PCSK6: variants seen among roughly 807,000 people sequenced by gnomAD.
The protein encoded by PCSK6 is paired basic amino acid cleaving enzyme 4.
In PCSK6, 85 loss-of-function variants were observed where a neutral mutation model predicts 123.3. The observed-to-expected ratio is 0.69, with a 90% CI of 0.58 to 0.83. The LOEUF (loss-of-function observed/expected upper bound fraction) is 0.83, where lower values mean the gene tolerates loss of function less well. PCSK6 is among the 40% of genes least tolerant of loss of function. The pLI, the probability that PCSK6 is intolerant of heterozygous loss-of-function variation, is 0.00. For missense variants in PCSK6, 1,191 were observed against 1,282.3 expected (o/e 0.93, Z 1.09); for synonymous variants, 508 against 516.0 (o/e 0.98, Z 0.21).
intron 6 of PCSK6, among the ~76,000 whole-genome samples, chr15:101,420,313 C>T (rs937040458): frequency 6.6e-6 from 1 of 151,918 alleles, no homozygotes; most frequent in African/African-American, 2.4e-5. Flanking sequence ...GGGCAAGATC[C>T]CAAACTCAAG....
At chr15:101,335,270 T>G (rs964054838) in intron 13 of PCSK6, among the ~76,000 whole-genome samples, 1 of 152,244 alleles carries the variant, frequency 6.6e-6, no homozygotes, top group African/African-American at 2.4e-5. Flanking sequence ...GTTTGACTTT[T>G]TGTTAAAACC....
intron 11 of PCSK6, among the ~76,000 whole-genome samples, chr15:101,376,005 G>A (rs2041727658): frequency 6.6e-6 from 1 of 152,216 alleles, no homozygotes; most frequent in Non-Finnish European, 1.5e-5. Context: ...CTGCACTCCA[G>A]CCTGGGTAAC....
At chr15:101,468,356 C>T (rs2057517411) in intron 1 of PCSK6, among the ~76,000 whole-genome samples, 1 of 152,160 alleles carries the variant, frequency 6.6e-6, no homozygotes, top group Non-Finnish European at 1.5e-5. Flanking sequence ...AAACAGTGAG[C>T]CCCACTTTGT....
Position 101,430,026 on chromosome 15 carries a change from T to C in PCSK6, c.695A>G (p.Tyr232Cys), listed in dbSNP as rs1332657314. The change falls in exon 5 of 22, where the codon TAT (tyrosine) becomes TGT (cysteine). Residue 232 changes from tyrosine to cysteine, a missense_variant. By Grantham distance (194) the Tyr-to-Cys change is radical. Around this residue, in one of 3 missense-constraint regions of PCSK6, gnomAD observed 357 missense variants for 484.5 expected, o/e 0.74. Coordinates refer to ENST00000611716, the MANE Select transcript of PCSK6 (RefSeq NM_002570.5). ...GGCATCATATCGTGGAGATGGGTCA[T>C]AATCATTGCCGTTCACGTCGTAGCT... is the stretch of plus-strand genomic sequence containing the variant. ...YASYDVNGND[Y>C]DPSPRYDASN... 5.0e-6 allele frequency: 8 copies of C among 1,613,800 alleles called. No homozygotes were observed. The highest frequency in any genetic ancestry group is 6.8e-6 in the Non-Finnish European group (8 of 1,179,820).
At chr15:101,414,289 A>C (rs2055808782) in intron 6 of PCSK6, among the ~76,000 whole-genome samples, 1 of 152,214 alleles carries the variant, frequency 6.6e-6, no homozygotes, top group South Asian at 2.1e-4. Flanking sequence ...CAAGCACTCA[A>C]AATATCTTTT....
At chr15:101,319,773 C>T (rs996913170) in intron 18 of PCSK6, among the ~76,000 whole-genome samples, 4 of 152,322 alleles carry the variant, frequency 2.6e-5, no homozygotes, top group Admixed American at 6.5e-5. Flanking sequence ...CCAGCCCAGC[C>T]CCATAGGGAT....
rs572930912 is a variant in PCSK6 at position 101,471,290 on chromosome 15, C to T, written c.297+18084G>A. ...CCCTAGAAAGGCTTCTAATCCTCAT[C>T]TCTAAACATAAATTTATGATTATGT... On this transcript the variant is annotated intron_variant, in intron 1 of 21. Transcript: ENST00000611716. Among the ~76,000 whole-genome samples the T allele has an allele frequency of 1.1e-4, 16 of 152,312 alleles. No individual in the cohort carries two copies. The South Asian group carries it at 2.1e-3, about 20-fold the overall frequency.
At chr15:101,373,727 T>C (rs1435197947) in intron 11 of PCSK6, among the ~76,000 whole-genome samples, 1 of 152,030 alleles carries the variant, frequency 6.6e-6, no homozygotes, top group Non-Finnish European at 1.5e-5. Context: ...AGACAGAAAG[T>C]AGAACAGTCA....
chr15:101,378,613 C>T (rs1021265800), intron 11 of PCSK6, among the ~76,000 whole-genome samples: 3 of 152,210 alleles, frequency 2.0e-5, no homozygotes, highest in African/African-American at 4.8e-5. Flanking sequence ...CTGCCCAGCA[C>T]GATCCCGTGG....
chr15:101,334,122 C>T (rs181551248), intron 13 of PCSK6: 3 of 152,452 alleles, frequency 2.0e-5, no homozygotes, highest in East Asian at 3.9e-4. Context: ...ACAGCAGCTC[C>T]CCCTCCCTGA....
intron 1 of PCSK6, among the ~76,000 whole-genome samples, chr15:101,459,613 G>T (rs547889745): frequency 7.6e-6 from 1 of 131,120 alleles, no homozygotes; most frequent in Admixed American, 8.4e-5. Context: ...TCACCATTGT[G>T]CCACGCCTCC....
chr15:101,403,095 A>C (rs1482673493), intron 6 of PCSK6, among the ~76,000 whole-genome samples: 6 of 152,162 alleles, frequency 3.9e-5, no homozygotes, highest in Non-Finnish European at 5.9e-5. Context: ...GCAGCCATAA[A>C]AAATGATGAG....
intron 1 of PCSK6, among the ~76,000 whole-genome samples, chr15:101,460,700 C>T (rs1447866045): frequency 6.6e-6 from 1 of 152,226 alleles, no homozygotes; most frequent in Admixed American, 6.5e-5. Flanking sequence ...AAAGCATAGT[C>T]TTTGGCTGTA....
chr15:101,345,909 C>G (rs1163928887), intron 13 of PCSK6, among the ~76,000 whole-genome samples: 4 of 152,226 alleles, frequency 2.6e-5, no homozygotes, highest in African/African-American at 9.6e-5. Flanking sequence ...CTCAGGTGAT[C>G]CGCCTGCCTC....
chr15:101,395,497 C>T (rs1309996630), intron 7 of PCSK6, among the ~76,000 whole-genome samples: 1 of 152,238 alleles, frequency 6.6e-6, no homozygotes, highest in Non-Finnish European at 1.5e-5. Context: ...ACAACCTTTC[C>T]CCTCCTTAAA....
chr15:101,351,306 T>C (rs2141411121), intron 13 of PCSK6, among the ~76,000 whole-genome samples: 1 of 152,372 alleles, frequency 6.6e-6, no homozygotes, highest in East Asian at 1.9e-4. Flanking sequence ...ATGTTTCATG[T>C]CTGTAGGTAT....
intron 6 of PCSK6, among the ~76,000 whole-genome samples, chr15:101,420,540 T>A (rs1440406217): frequency 2.6e-5 from 4 of 152,060 alleles, no homozygotes; most frequent in Non-Finnish European, 4.4e-5. Flanking sequence ...TTTTCAAAAT[T>A]TTTTGTAGAG....
intron 7 of PCSK6, among the ~76,000 whole-genome samples, chr15:101,394,988 A>G (rs776394907): frequency 6.6e-6 from 1 of 152,212 alleles, no homozygotes; most frequent in Non-Finnish European, 1.5e-5. Context: ...AGAGCTCAGG[A>G]AGGTGGTGTG....
intron 1 of PCSK6, among the ~76,000 whole-genome samples, chr15:101,469,653 G>A (rs992715092): frequency 1.3e-5 from 2 of 152,222 alleles, no homozygotes; most frequent in East Asian, 3.9e-4. Flanking sequence ...GAATGGAGCG[G>A]CTAGAGCCGG....
Sources: gnomAD v4.1 joint callset for allele counts (sites outside exome capture counted in the v4.1 genomes callset) on GRCh38, gnomAD v4.1.1 for gene constraint, gnomAD v4.1.1 regional missense constraint, MANE v1.5 for transcripts, NCBI Gene and HGNC (gene_info 2026-07-23, HGNC 2026-07-21) for gene names.